Variants in MYO3B observed in about 807,000 individuals in gnomAD.
MYO3B encodes the protein myosin IIIB.
Under a neutral mutation model 174.6 loss-of-function variants are expected in MYO3B, and 156 were observed. That is an observed-to-expected ratio of 0.89 (90% confidence interval 0.78 to 1.02). The LOEUF (loss-of-function observed/expected upper bound fraction) is 1.02, where lower values mean the gene tolerates loss of function less well. Among genes scored for constraint, MYO3B ranks in the 50% least tolerant of loss-of-function variants. MYO3B has a pLI of 0.00. For synonymous variants in MYO3B, 563 were observed against 569.1 expected, an observed-to-expected ratio of 0.99 and a Z score of 0.15; for missense variants, 1,632 against 1,639.4, an observed-to-expected ratio of 1.00 and a Z score of 0.08.
intron 32 of MYO3B, among the ~76,000 whole-genome samples, chr2:170,642,709 T>C (rs1281494143): frequency 4.6e-5 from 7 of 152,034 alleles, no homozygotes; most frequent in African/African-American, 1.7e-4. Context: ...GCCTCAGACC[T>C]CTCAGATATA....
intron 25 of MYO3B, among the ~76,000 whole-genome samples, chr2:170,488,848 A>G (rs894902653): frequency 1.3e-5 from 2 of 152,264 alleles, no homozygotes; most frequent in African/African-American, 2.4e-5. Context: ...ATAGCTTTCT[A>G]CTGAAACAGA....
At chr2:170,279,563 A>G (rs1048205664) in intron 7 of MYO3B, among the ~76,000 whole-genome samples, 3 of 152,120 alleles carry the variant, frequency 2.0e-5, no homozygotes, top group Non-Finnish European at 4.4e-5. Flanking sequence ...CTCATCACCC[A>G]GGTATTAAGC....
At chr2:170,536,153 G>A (rs896826393) in intron 30 of MYO3B, among the ~76,000 whole-genome samples, 1 of 152,184 alleles carries the variant, frequency 6.6e-6, no homozygotes, top group Non-Finnish European at 1.5e-5. Context: ...AGACTGTATG[G>A]GCTCACGGTT....
chr2:170,337,790 G>A (rs1233606846), intron 8 of MYO3B: 1 of 152,096 alleles, frequency 6.6e-6, no homozygotes. Context: ...TTACAATAAA[G>A]TAAGCTAGAG....
At chr2:170,202,470 T>A (rs1414735641) in intron 3 of MYO3B, among the ~76,000 whole-genome samples, 1 of 152,168 alleles carries the variant, frequency 6.6e-6, no homozygotes, top group Non-Finnish European at 1.5e-5. Flanking sequence ...GGCAGAAGCC[T>A]CTCTCTTCAG....
intron 7 of MYO3B, among the ~76,000 whole-genome samples, chr2:170,302,955 T>C (rs1335097306): frequency 6.6e-6 from 1 of 152,234 alleles, no homozygotes; most frequent in Admixed American, 6.5e-5. Flanking sequence ...TGAACATTTA[T>C]TGAGCAGTTA....
At chr2:170,447,518 G>T (rs1683292840) in intron 23 of MYO3B, among the ~76,000 whole-genome samples, 1 of 152,160 alleles carries the variant, frequency 6.6e-6, no homozygotes, top group Non-Finnish European at 1.5e-5. Context: ...GGATTCTTTG[G>T]AGTCTATATC....
chr2:170,448,466 A>G (rs1350192456), intron 23 of MYO3B, among the ~76,000 whole-genome samples: 6 of 152,214 alleles, frequency 3.9e-5, no homozygotes, highest in African/African-American at 1.4e-4. Flanking sequence ...CAGGGGGCAT[A>G]GTGGGGTTAG....
At chr2:170,383,411 C>T (rs772117514) in intron 11 of MYO3B, among the ~76,000 whole-genome samples, 3 of 152,174 alleles carry the variant, frequency 2.0e-5, no homozygotes, top group Admixed American at 1.3e-4. Flanking sequence ...GTGCTTACTG[C>T]GTGTTAGACA....
chr2:170,256,944 G>A (rs917101960), intron 7 of MYO3B, among the ~76,000 whole-genome samples: 5 of 152,070 alleles, frequency 3.3e-5, no homozygotes, highest in Admixed American at 2.6e-4. Context: ...AAGAGCAGGG[G>A]TCATCGTTCT....
At chr2:170,436,845 A>G (rs1036362581) in intron 22 of MYO3B, among the ~76,000 whole-genome samples, 1 of 152,128 alleles carries the variant, frequency 6.6e-6, no homozygotes, top group Non-Finnish European at 1.5e-5. Context: ...CTCACCTTTC[A>G]TAGTTTTTTT....
intron 7 of MYO3B, among the ~76,000 whole-genome samples, chr2:170,304,807 A>G (rs188449711): frequency 1.4e-3 from 217 of 151,724 alleles, no homozygotes; most frequent in African/African-American, 5.1e-3. Context: ...ATATTTTCTT[A>G]GTAATGTATT....
At chr2:170,234,103 G>A (rs1485320866) in intron 6 of MYO3B, among the ~76,000 whole-genome samples, 5 of 142,810 alleles carry the variant, frequency 3.5e-5, no homozygotes, top group Admixed American at 1.5e-4. Context: ...CCCAGGAGGC[G>A]GAGCTTGCAG....
At chr2:170,498,483 A>G in intron 25 of MYO3B, 109 bp from the exon 26 acceptor site, 1 of 719,322 alleles carries the variant, frequency 1.4e-6, no homozygotes, top group Non-Finnish European at 2.4e-6. Flanking sequence ...TTGGTGCTCG[A>G]CAAATATTTA....
intron 28 of MYO3B, among the ~76,000 whole-genome samples, chr2:170,514,519 C>T (rs141910729): frequency 6.6e-6 from 1 of 152,154 alleles, no homozygotes; most frequent in Non-Finnish European, 1.5e-5. Flanking sequence ...TGTTTACTTC[C>T]CTGGTAGTGG....
At chr2:170,643,846 G>A (rs1175719214) in intron 32 of MYO3B, 3 of 152,238 alleles carry the variant, frequency 2.0e-5, no homozygotes, top group Admixed American at 6.5e-5. Context: ...GCCCCACCAA[G>A]CTGGGGAATA....
chr2:170,652,564 G>A (rs902747337), intron 34 of MYO3B, among the ~76,000 whole-genome samples: 16 of 152,288 alleles, frequency 1.1e-4, no homozygotes, highest in Admixed American at 3.3e-4. Context: ...GTTAGATAGA[G>A]GATAGTAAGG....
At chr2:170,273,685 A>T (rs1010080985) in intron 7 of MYO3B, among the ~76,000 whole-genome samples, 4 of 152,122 alleles carry the variant, frequency 2.6e-5, no homozygotes, top group Non-Finnish European at 5.9e-5. Flanking sequence ...ACCATCCTTC[A>T]AAACTCAGCT....
At position 170,290,191 on chromosome 2, in the gene MYO3B, C is replaced by G. The variant is rs916483471; in HGVS notation, c.750-45194C>G. ...AATATGTATTTTGCAGCAGTTGGGC[C>G]TATTAGATTTAGTGTGGAGTTTAAC... is the stretch of plus-strand genomic sequence containing the variant. On this transcript the variant is annotated intron_variant, in intron 7 of 34. Transcript: ENST00000408978. 2.6e-5 allele frequency among the ~76,000 whole-genome samples: 4 copies of G among 152,142 alleles called. No individual in the cohort carries two copies. In the South Asian group the frequency reaches 8.3e-4, roughly 32 times the overall value.
Sources: allele counts gnomAD v4.1 joint callset (sites outside exome capture counted in the v4.1 genomes callset), GRCh38; gene constraint gnomAD v4.1.1; transcripts MANE v1.5; gene names NCBI Gene and HGNC (gene_info 2026-07-23, HGNC 2026-07-21).